Variants in NXN observed in about 807,000 individuals in gnomAD.
NXN encodes nucleoredoxin, also known as nucleoredoxin 1.
In NXN, 16 loss-of-function variants were observed where a neutral mutation model predicts 48.6. The observed-to-expected ratio is 0.33, with a 90% CI of 0.22 to 0.50. NXN has a LOEUF of 0.50. NXN is among the 20% of genes least tolerant of loss of function. The probability of loss-of-function intolerance (pLI) is 0.98; values close to 1 mark genes in which losing one functional copy is unlikely to be tolerated. For missense variants in NXN, 492 were observed against 605.5 expected, an observed-to-expected ratio of 0.81 and a Z score of 1.97; for synonymous variants, 281 against 269.6, an observed-to-expected ratio of 1.04 and a Z score of -0.41.
intron 5 of NXN, among the ~76,000 whole-genome samples, chr17:806,936 A>ATG (rs1567808775): frequency 2.0e-5 from 3 of 149,922 alleles, no homozygotes; most frequent in African/African-American, 5.0e-5. Context: ...ACACACACAC[A>ATG]CACACACACA....
At chr17:907,865 C>T (rs2068596175) in intron 1 of NXN, 1 of 152,124 alleles carries the variant, frequency 6.6e-6, no homozygotes, top group Non-Finnish European at 1.5e-5. Context: ...TTGCATCTAT[C>T]TTTGTTGGCT....
intron 1 of NXN, among the ~76,000 whole-genome samples, chr17:924,198 A>C (rs2068775189): frequency 6.6e-6 from 1 of 151,654 alleles, no homozygotes; most frequent in African/African-American, 2.4e-5. Flanking sequence ...GTGTATCACC[A>C]AACCCGACTA....
At chr17:819,868 C>T (rs1912725207) in intron 4 of NXN, among the ~76,000 whole-genome samples, 1 of 152,200 alleles carries the variant, frequency 6.6e-6, no homozygotes, top group Non-Finnish European at 1.5e-5. Flanking sequence ...CTCAGATGTG[C>T]ACAGCCACTG....
chr17:904,796 G>A (rs1361575159), intron 1 of NXN, among the ~76,000 whole-genome samples: 3 of 152,112 alleles, frequency 2.0e-5, no homozygotes, highest in East Asian at 1.9e-4. Flanking sequence ...TGCCCACCTC[G>A]GCCTCCCAAA....
In NXN at chr17:821,675, C is replaced by T. The variant is rs574643873; in HGVS notation, c.713+682G>A. On this transcript the variant is annotated intron_variant, in intron 4 of 7. Transcript: ENST00000336868. The stretch of plus-strand genomic sequence containing the variant: ...CTGAGGCAGGAGAATGGCGTGAACC[C>T]GGGAGGTGGAGCTTGCAGTGAGCCA... Among the ~76,000 whole-genome samples the T allele has an allele frequency of 5.5e-5, 5 of 91,684 alleles. 1 individual carries two copies. The highest frequency in any genetic ancestry group is 3.3e-4 in the East Asian group (1 of 3,000). 60.1% of individuals were successfully genotyped at this position (91,684 alleles called of 152,430 possible).
chr17:904,811 T>C (rs889017423), intron 1 of NXN, among the ~76,000 whole-genome samples: 4 of 152,206 alleles, frequency 2.6e-5, no homozygotes, highest in Non-Finnish European at 4.4e-5. Flanking sequence ...CCCAAAGTGC[T>C]GGGATGACAG....
chr17:842,978 AAGAG>A (rs1202755882), intron 1 of NXN, among the ~76,000 whole-genome samples: 15 of 111,328 alleles, frequency 1.3e-4, no homozygotes, highest in African/African-American at 5.3e-4. Flanking sequence ...GAAAGAGAGA[AAGAG>A]AGAAAGAGAG....
intron 1 of NXN, among the ~76,000 whole-genome samples, chr17:871,399 C>CTTTTTTTTTTTTTTTTTTTTTTTTTTTTT (rs11345310): frequency 9.8e-6 from 1 of 101,706 alleles, no homozygotes. Context: ...TACGCATTCA[C>CTTTTTTTTTTTTTTTTTTTTTTTTTTTTT]TTTTTTTTTT....
chr17:877,744 T>TA (rs780900103), intron 1 of NXN, among the ~76,000 whole-genome samples: 2 of 152,172 alleles, frequency 1.3e-5, no homozygotes, highest in African/African-American at 2.4e-5. Flanking sequence ...CCTTGTGAGT[T>TA]AGAGCGACTG....
At chr17:862,736 A>C (rs1255686419) in intron 1 of NXN, among the ~76,000 whole-genome samples, 2 of 152,210 alleles carry the variant, frequency 1.3e-5, no homozygotes, top group Non-Finnish European at 2.9e-5. Context: ...AGCATCATCA[A>C]TAACAGGACG....
intron 1 of NXN, among the ~76,000 whole-genome samples, chr17:827,617 C>T (rs575982573): frequency 5.3e-5 from 8 of 151,996 alleles, no homozygotes; most frequent in African/African-American, 9.7e-5. Flanking sequence ...AGTGAGACTC[C>T]GTCTCAAAAA....
intron 1 of NXN, among the ~76,000 whole-genome samples, chr17:969,621 A>T (rs951424314): frequency 3.3e-5 from 5 of 152,176 alleles, no homozygotes; most frequent in Non-Finnish European, 7.3e-5. Flanking sequence ...AAAATGAGTA[A>T]CAGATGAGGC....
chr17:919,565 A>G lies in NXN; in HGVS notation c.360+59754T>C, dbSNP rs2068724341. On this transcript the variant is annotated intron_variant, in intron 1 of 7. Coordinates refer to ENST00000336868, the MANE Select transcript of NXN (RefSeq NM_022463.5). The surrounding 1 kb of genome is among the most constrained non-coding windows in gnomAD (Gnocchi z 5.1). The stretch of plus-strand genomic sequence containing the variant: ...ACGCAGTCAAACGGCTTTCTACAGC[A>G]CCTCCTCGTATCGTGGGTTACAGAA... Among the ~76,000 whole-genome samples the G allele has an allele frequency of 6.6e-6, 1 of 152,000 alleles. No homozygotes were observed. The highest frequency in any genetic ancestry group is 6.6e-5 in the Admixed American group (1 of 15,252).
At chr17:897,668 A>AT (rs1274611989) in intron 1 of NXN, among the ~76,000 whole-genome samples, 7 of 142,690 alleles carry the variant, frequency 4.9e-5, no homozygotes, top group Admixed American at 7.4e-5. Context: ...TCGGTCCAGC[A>AT]TTTGTTTTTC....
chr17:806,748 C>T (rs954844439), intron 5 of NXN, among the ~76,000 whole-genome samples: 17 of 152,298 alleles, frequency 1.1e-4, no homozygotes, highest in Admixed American at 2.6e-4. Flanking sequence ...ATATGGCCCT[C>T]GTGTTTCGTA....
intron 1 of NXN, among the ~76,000 whole-genome samples, chr17:966,724 CA>C (rs1478681216): frequency 6.7e-6 from 1 of 149,926 alleles, no homozygotes; most frequent in East Asian, 2.0e-4. Flanking sequence ...AATTGGGCAA[CA>C]AAGGAGGTAG....
chr17:882,181 C>T (rs558033930), intron 1 of NXN, among the ~76,000 whole-genome samples: 1 of 152,262 alleles, frequency 6.6e-6, no homozygotes, highest in South Asian at 2.1e-4. Context: ...ACTGAGAATT[C>T]CAGCGTGGGC....
chr17:837,704 TG>T (rs1913904218), intron 1 of NXN, among the ~76,000 whole-genome samples: 1 of 152,204 alleles, frequency 6.6e-6, no homozygotes, highest in Admixed American at 6.5e-5. Flanking sequence ...CCTTAGATCC[TG>T]TACCCTCCCC....
chr17:806,040 A>G (rs906100367), intron 5 of NXN, among the ~76,000 whole-genome samples: 2 of 151,832 alleles, frequency 1.3e-5, no homozygotes, highest in African/African-American at 4.8e-5. Flanking sequence ...CAGTGAGCGC[A>G]GGGCCAGTGC....
Sources: gnomAD v4.1 joint callset for allele counts (sites outside exome capture counted in the v4.1 genomes callset) on GRCh38, gnomAD v4.1.1 for gene constraint, Gnocchi (gnomAD v3.1) non-coding constraint, MANE v1.5 for transcripts, NCBI Gene and HGNC (gene_info 2026-07-23, HGNC 2026-07-21) for gene names.